The following HELZ variants were observed in gnomAD, a reference collection of about 807,000 sequenced individuals.
HELZ encodes helicase with zinc finger.
Under a neutral mutation model 218.2 loss-of-function variants are expected in HELZ, and 23 were observed. The observed-to-expected ratio is 0.11, with a 90% confidence interval of 0.08 to 0.15. HELZ has a LOEUF of 0.15. Ranked by LOEUF, HELZ falls within the 10% of genes least tolerant of loss-of-function variation. The pLI, the probability that HELZ is intolerant of heterozygous loss-of-function variation, is 1.00. For synonymous variants in HELZ, 814 were observed against 829.4 expected (o/e 0.98, Z 0.32); for missense variants, 1,813 against 2,353.7 (o/e 0.77, Z 4.75).
chr17:67,123,761 T>C (rs908806315), intron 25 of HELZ, among the ~76,000 whole-genome samples: 1 of 151,822 alleles, frequency 6.6e-6, no homozygotes, highest in African/African-American at 2.4e-5. Flanking sequence ...AACATATCAA[T>C]GCACTGATAA....
intron 7 of HELZ, among the ~76,000 whole-genome samples, chr17:67,196,522 A>C (rs940598219): frequency 4.6e-5 from 7 of 152,066 alleles, no homozygotes; most frequent in Admixed American, 2.6e-4. Context: ...GTGCTCAGTA[A>C]ATGTTGGATG....
chr17:67,169,790 T>A (rs2039256731), intron 13 of HELZ, among the ~76,000 whole-genome samples: 1 of 152,170 alleles, frequency 6.6e-6, no homozygotes, highest in Non-Finnish European at 1.5e-5. Flanking sequence ...CAAGGCACAA[T>A]TCATCCTGAT....
intron 15 of HELZ, among the ~76,000 whole-genome samples, chr17:67,162,357 C>T (rs1448044880): frequency 6.6e-6 from 1 of 152,086 alleles, no homozygotes; most frequent in African/African-American, 2.4e-5. Context: ...TGTAATCATG[C>T]CAATATTTTT....
intron 3 of HELZ, among the ~76,000 whole-genome samples, chr17:67,230,935 T>C (rs1221527438): frequency 6.6e-6 from 1 of 152,202 alleles, no homozygotes; most frequent in Non-Finnish European, 1.5e-5. Context: ...CAAAATAATA[T>C]ATATGGTATA....
chr17:67,138,965 T>A (rs962595368), intron 21 of HELZ, among the ~76,000 whole-genome samples: 3 of 151,662 alleles, frequency 2.0e-5, no homozygotes, highest in Admixed American at 6.6e-5. Context: ...AGAGTCATAA[T>A]AAAAAAAATA....
chr17:67,078,366 C>A lies in HELZ; in HGVS notation c.5715G>T (p.Lys1905Asn). The A allele has an allele frequency of 6.2e-7, 1 of 1,612,196 alleles. No individual in the cohort carries two copies. The highest frequency in any genetic ancestry group is 8.5e-7 in the Non-Finnish European group (1 of 1,179,424). Residue 1905 changes from lysine to asparagine, a missense_variant, in exon 33 of 33, where the codon AAG becomes AAT. By Grantham distance (94) the Lys-to-Asn change is moderately conservative. This residue lies in a region of HELZ where 938 missense variants were observed against 1,027.5 expected (regional missense o/e 0.91). Transcript: ENST00000358691. ...TGGCCTGCTCAGGAGGGGGCCTGGGCTTTGGAGGGGCCCGCAGAGCGCTGG... is the reference window on the plus strand; with the variant it reads ...TGGCCTGCTCAGGAGGGGGCCTGGGATTTGGAGGGGCCCGCAGAGCGCTGG... ...SYASALRAPP[K>N]PRPPPEQAKK... is the part of the protein sequence containing the mutation.
chr17:67,127,909 T>G (rs1477525806), intron 24 of HELZ, among the ~76,000 whole-genome samples: 1 of 151,958 alleles, frequency 6.6e-6, no homozygotes, highest in Non-Finnish European at 1.5e-5. Context: ...TAATTCTTAT[T>G]GGTAACTTTA....
chr17:67,167,698 C>A lies in HELZ; in HGVS notation c.1529G>T (p.Arg510Leu), dbSNP rs753228083. The A allele has an allele frequency of 6.2e-7, 1 of 1,614,096 alleles. No homozygotes were observed. Among genetic ancestry groups the A allele is most frequent in the South Asian group, 1.1e-5 (1 of 91,080 alleles). ...AGAAAGTGTTTCAGTAAGCTTAAAG[C>A]GACCAAAAAGTTGTCCATTCTGAGC... ...KYAQNGQLFGRFKLTETLSED... is the reference protein window; with the variant it reads ...KYAQNGQLFGLFKLTETLSED... Residue 510 changes from arginine (R) to leucine (L), a missense_variant, in exon 14 of 33, where the codon CGC becomes CTC. Transcript: ENST00000358691.
chr17:67,180,843 A>G (rs2144238013), intron 12 of HELZ, among the ~76,000 whole-genome samples: 1 of 141,496 alleles, frequency 7.1e-6, no homozygotes, highest in Middle Eastern at 4.1e-3. Context: ...GCGCCACTGC[A>G]CTCCAGCCTG....
intron 12 of HELZ, among the ~76,000 whole-genome samples, chr17:67,181,365 G>A (rs371077191): frequency 6.6e-6 from 1 of 152,262 alleles, no homozygotes; most frequent in East Asian, 1.9e-4. Flanking sequence ...ACAAAATGCA[G>A]AAAGCTTTTC....
intron 24 of HELZ, among the ~76,000 whole-genome samples, chr17:67,125,981 T>G (rs1480362266): frequency 6.6e-6 from 1 of 152,096 alleles, no homozygotes; most frequent in Non-Finnish European, 1.5e-5. Context: ...TAAGAATGAT[T>G]CCCAGCTGAC....
chr17:67,176,220 C>T (rs997127959), intron 13 of HELZ: 28 of 152,214 alleles, frequency 1.8e-4, no homozygotes, highest in Middle Eastern at 6.3e-3. Context: ...TACACAAATA[C>T]ATACACGTAT....
In HELZ at chr17:67,168,268, C is replaced by A. The variant is rs560261599; in HGVS notation, c.1431-472G>T. 3.3e-5 allele frequency among the ~76,000 whole-genome samples: 5 copies of A among 152,306 alleles called. No individual in the cohort carries two copies. The South Asian group carries it at 1.0e-3, about 32-fold the overall frequency. On this transcript the variant is annotated intron_variant, in intron 13 of 32. Transcript: ENST00000358691. ...TGCTGCGATTACAGATGTGAGCCAC[C>A]ATGCCTGGTCAACAAAACTTTTTTT...
Position 67,160,917 on chromosome 17 carries a change from A to G in HELZ, c.2055T>C (p.Ile685=), listed in dbSNP as rs747739301. 6.2e-7 allele frequency: 1 copy of G among 1,607,392 alleles called. No homozygotes were observed. Among genetic ancestry groups the G allele is most frequent in the East Asian group, 2.2e-5 (1 of 44,622 alleles). Residue 685 remains isoleucine (I), a synonymous_variant, in exon 16 of 33, where the codon ATT becomes ATC. Coordinates refer to ENST00000358691, the MANE Select transcript of HELZ (RefSeq NM_014877.4). ...TFTLAQAVKH[I]LQQQETRILI... is the part of the protein sequence containing the mutation. ...CTCACCTAGTCTCCTGTTGCTGCAG[A>G]ATATGTTTGACAGCCTGAGCTAGAG...
At chr17:67,151,743 G>A (rs2038690838) in intron 17 of HELZ, among the ~76,000 whole-genome samples, 1 of 152,106 alleles carries the variant, frequency 6.6e-6, no homozygotes, top group Admixed American at 6.5e-5. Context: ...CTGAGGTTCT[G>A]GAAATTTAAG....
At chr17:67,187,253 A>G (rs1001474720) in intron 12 of HELZ, among the ~76,000 whole-genome samples, 1 of 152,232 alleles carries the variant, frequency 6.6e-6, no homozygotes, top group Non-Finnish European at 1.5e-5. Context: ...TACATACTAC[A>G]GAATAAAAAC....
At position 67,125,343 on chromosome 17, in the gene HELZ, T is replaced by TATACAC. The variant is rs1567821370; in HGVS notation, c.3388-1330_3388-1329insGTGTAT. On this transcript the variant is annotated intron_variant, in intron 24 of 32. Coordinates refer to ENST00000358691, the MANE Select transcript of HELZ (RefSeq NM_014877.4). Reference sequence around the variant, plus strand: ...ATATATATATATATATATATATATATATACTTGTGAGGAATAGAGACGTGA... The same window carrying TATACAC: ...ATATATATATATATATATATATATATATACACATACTTGTGAGGAATAGAGACGTGA... 2.1e-4 allele frequency among the ~76,000 whole-genome samples: 13 copies of TATACAC among 61,394 alleles called. 1 individual carries two copies. The highest frequency in any genetic ancestry group is 5.4e-4 in the South Asian group (1 of 1,840). 40.3% of individuals were successfully genotyped at this position (61,394 alleles called of 152,430 possible).
At chr17:67,153,453 T>C (rs1352241447) in intron 17 of HELZ, among the ~76,000 whole-genome samples, 1 of 152,216 alleles carries the variant, frequency 6.6e-6, no homozygotes, top group African/African-American at 2.4e-5. Context: ...CATCAGATGA[T>C]TGTTATTTTC....
At chr17:67,245,463 C>T (rs2041458860), upstream of HELZ, 3 of 985,600 alleles carry the variant, frequency 3.0e-6, no homozygotes, top group African/African-American at 3.5e-5. Context: ...CCGGTCCTCT[C>T]GCCTCGCCGC....
Sources: allele counts gnomAD v4.1 joint callset (sites outside exome capture counted in the v4.1 genomes callset), GRCh38; gene constraint gnomAD v4.1.1; regional missense constraint gnomAD v4.1.1; transcripts MANE v1.5; gene names NCBI Gene and HGNC (gene_info 2026-07-23, HGNC 2026-07-21).